Variants in DPYSL2 observed in about 807,000 individuals in gnomAD.
DPYSL2 encodes the protein dihydropyrimidinase-related protein 2.
Under a neutral mutation model 69.9 loss-of-function variants are expected in DPYSL2, and 13 were observed. The observed-to-expected ratio is 0.19, with a 90% CI of 0.12 to 0.30. The LOEUF is 0.30. Among genes scored for constraint, DPYSL2 ranks in the 10% least tolerant of loss-of-function variants. The pLI, the probability that DPYSL2 is intolerant of heterozygous loss-of-function variation, is 1.00. For missense variants in DPYSL2, 587 were observed against 918.9 expected, an observed-to-expected ratio of 0.64 and a Z score of 4.67; for synonymous variants, 326 against 359.1, an observed-to-expected ratio of 0.91 and a Z score of 1.04.
intron 1 of DPYSL2, among the ~76,000 whole-genome samples, chr8:26,537,331 AAGACAAGTTCAGGAGC>A (rs1800608375): frequency 6.6e-6 from 1 of 152,130 alleles, no homozygotes; most frequent in Non-Finnish European, 1.5e-5. Flanking sequence ...CTGCAAAATC[AAGACAAGTTCAGGAGC>A]TGCAGGATGA....
chr8:26,633,729 G>A (rs995523110), intron 7 of DPYSL2, among the ~76,000 whole-genome samples: 3 of 152,088 alleles, frequency 2.0e-5, no homozygotes, highest in African/African-American at 7.2e-5. Flanking sequence ...ACACTCCTCA[G>A]CCTCCCAAAG....
intron 1 of DPYSL2, among the ~76,000 whole-genome samples, chr8:26,530,066 C>T (rs1405601591): frequency 1.6e-5 from 2 of 127,596 alleles, no homozygotes; most frequent in African/African-American, 3.0e-5. Flanking sequence ...GAGCCGAGAT[C>T]GTGCCATTGC....
intron 8 of DPYSL2, among the ~76,000 whole-genome samples, chr8:26,638,531 C>T (rs1434924532): frequency 2.0e-5 from 3 of 152,160 alleles, no homozygotes; most frequent in Non-Finnish European, 4.4e-5. Context: ...ACGACTGCAT[C>T]CTGCCTTCCC....
rs571099436 is a variant in DPYSL2 at position 26,603,203 on chromosome 8, C to T, written c.628+19220C>T. 4.9e-4 allele frequency among the ~76,000 whole-genome samples: 75 copies of T among 152,192 alleles called. 2 individuals carry two copies. In the South Asian group the frequency reaches 0.015, roughly 30 times the overall value. On this transcript the variant is annotated intron_variant, in intron 3 of 13. Transcript: ENST00000521913. ...TATTATTTTTTTTGAGACAGGGTCTCGCTCTATCTCCCAGGCTGGAGTGCA... is the reference window on the plus strand; with the variant it reads ...TATTATTTTTTTTGAGACAGGGTCTTGCTCTATCTCCCAGGCTGGAGTGCA...
At chr8:26,603,967 A>G (rs1197573791) in intron 3 of DPYSL2, among the ~76,000 whole-genome samples, 1 of 152,238 alleles carries the variant, frequency 6.6e-6, no homozygotes, top group African/African-American at 2.4e-5. Context: ...TATCTATTCA[A>G]GTCCCTGCCT....
chr8:26,556,205 ATATATAC>A (rs1800962599), intron 1 of DPYSL2, among the ~76,000 whole-genome samples: 1 of 9,160 alleles, frequency 1.1e-4, no homozygotes, highest in Non-Finnish European at 3.0e-4. Flanking sequence ...TATATACTAT[ATATATAC>A]TATATATAGT....
In DPYSL2 at chr8:26,647,663, G is replaced by T. The variant is rs773416625; in HGVS notation, c.1459G>T (p.Ala487Ser). The T allele has an allele frequency of 9.3e-6, 15 of 1,613,896 alleles. No homozygotes were observed. In the South Asian group the frequency reaches 1.6e-4, roughly 18 times the overall value. Residue 487 changes from alanine (A) to serine (S), a missense_variant, in exon 11 of 14, where the codon GCT becomes TCT. Ala to Ser is a moderately conservative substitution (Grantham distance 99, BLOSUM62 1). This residue lies in a region of DPYSL2 where 452 missense variants were observed against 754.3 expected (regional missense o/e 0.60). Transcript: ENST00000521913. This position sits in a 1 kb window ranked among gnomAD's most constrained non-coding sequence, Gnocchi z 5.1. ...TGKMDENQFV[A>S]VTSTNAAKVF... ...GAAGATGGATGAGAACCAGTTTGTG[G>T]CTGTGACCAGCACCAATGCAGCCAA...
chr8:26,561,607 C>T (rs890645045), intron 1 of DPYSL2, among the ~76,000 whole-genome samples: 4 of 151,920 alleles, frequency 2.6e-5, no homozygotes, highest in Non-Finnish European at 5.9e-5. Context: ...TCCATTAATA[C>T]AGCAGTCCCC....
At position 26,650,505 on chromosome 8, in the gene DPYSL2, G is replaced by A. The variant is rs1305400888; in HGVS notation, c.1597-1752G>A. On this transcript the variant is annotated intron_variant, in intron 11 of 13. Transcript: ENST00000521913. The surrounding 1 kb of genome is among the most constrained non-coding windows in gnomAD (Gnocchi z 5.3). The stretch of plus-strand genomic sequence containing the variant: ...ATCTTCACATACACCTCGGGAGGGT[G>A]CAGATGAAGAAACTGAAGCTGAGAC... Among the ~76,000 whole-genome samples the A allele has an allele frequency of 6.6e-6, 1 of 152,204 alleles. No individual in the cohort carries two copies. Among genetic ancestry groups the A allele is most frequent in the Non-Finnish European group, 1.5e-5 (1 of 68,036 alleles).
At chr8:26,529,879 G>A (rs1043430200) in intron 1 of DPYSL2, among the ~76,000 whole-genome samples, 1 of 151,654 alleles carries the variant, frequency 6.6e-6, no homozygotes, top group African/African-American at 2.4e-5. Context: ...GGGAGGCAGA[G>A]GTGAGGGGAT....
intron 1 of DPYSL2, among the ~76,000 whole-genome samples, chr8:26,554,185 G>T (rs998550651): frequency 6.6e-6 from 1 of 152,010 alleles, no homozygotes; most frequent in Admixed American, 6.6e-5. Flanking sequence ...ACCGTGCCTG[G>T]CCATTTTTTG....
Position 26,610,781 on chromosome 8 carries a change from A to T in DPYSL2, c.629-13362A>T, listed in dbSNP as rs1802206555. 6.6e-6 allele frequency among the ~76,000 whole-genome samples: 1 copy of T among 152,130 alleles called. No homozygotes were observed. The highest frequency in any genetic ancestry group is 1.5e-5 in the Non-Finnish European group (1 of 68,006). ...TATGTTCAGCAGGTTTATCTCCTCA[A>T]GGCACCCCTAAAGTATGTTTTTACT... On this transcript the variant is annotated intron_variant, in intron 3 of 13. Transcript: ENST00000521913. This position sits in a 1 kb window ranked among gnomAD's most constrained non-coding sequence, Gnocchi z 4.5.
At chr8:26,616,355 T>C (rs554196992) in intron 3 of DPYSL2, among the ~76,000 whole-genome samples, 111 of 152,312 alleles carry the variant, frequency 7.3e-4, no homozygotes, top group African/African-American at 2.6e-3. Context: ...GCCTGGTTGA[T>C]GAGGTCACCT....
intron 1 of DPYSL2, among the ~76,000 whole-genome samples, chr8:26,579,395 G>C (rs1585521056): frequency 6.6e-6 from 1 of 152,232 alleles, no homozygotes; most frequent in East Asian, 1.9e-4. Flanking sequence ...AGGGAGGGGG[G>C]AACACCAGGG....
intron 3 of DPYSL2, among the ~76,000 whole-genome samples, chr8:26,622,389 A>G (rs1358120729): frequency 6.6e-6 from 1 of 151,946 alleles, no homozygotes; most frequent in East Asian, 1.9e-4. Flanking sequence ...ACTAATCACT[A>G]ATACTTACAA....
At position 26,627,145 on chromosome 8, in the gene DPYSL2, G is replaced by T. The variant is rs768600415; in HGVS notation, c.856-70G>T. The T allele has an allele frequency of 8.0e-5, 114 of 1,419,528 alleles. No homozygotes were observed. The highest frequency in any genetic ancestry group is 1.0e-4 in the Non-Finnish European group (104 of 1,004,952). 87.9% of individuals were successfully genotyped at this position (1,419,528 alleles called of 1,614,324 possible). On this transcript the variant is annotated intron_variant, in intron 5 of 13. Coordinates refer to ENST00000521913, the MANE Select transcript of DPYSL2 (RefSeq NM_001197293.3). This position sits in a 1 kb window ranked among gnomAD's most constrained non-coding sequence, Gnocchi z 6.9. The stretch of plus-strand genomic sequence containing the variant: ...TCATCCCAGAAATGCCTCTGGTGGG[G>T]AGATGATTGTCTTTGTGAACAGGAA...
In DPYSL2 at chr8:26,598,261, G is replaced by T. The variant is rs879410689; in HGVS notation, c.628+14278G>T. Among the ~76,000 whole-genome samples, 7 of 152,196 alleles carry T rather than the reference G, an allele frequency of 4.6e-5. No individual in the cohort carries two copies. Among genetic ancestry groups the T allele is most frequent in the African/African-American group, 1.2e-4 (5 of 41,438 alleles). On this transcript the variant is annotated intron_variant, in intron 3 of 13. Transcript: ENST00000521913. This position sits in a 1 kb window ranked among gnomAD's most constrained non-coding sequence, Gnocchi z 4.2. Reference sequence around the variant, plus strand: ...GTGACTTTTGCCTTCAGCAGCCATCGCATTACATCATCTACCTTTTCTTGT... The same window carrying T: ...GTGACTTTTGCCTTCAGCAGCCATCTCATTACATCATCTACCTTTTCTTGT...
At chr8:26,572,386 A>C (rs1241582793) in intron 1 of DPYSL2, among the ~76,000 whole-genome samples, 1 of 152,196 alleles carries the variant, frequency 6.6e-6, no homozygotes, top group Non-Finnish European at 1.5e-5. Flanking sequence ...TGGATGATGC[A>C]AACATGTGCA....
chr8:26,580,951 C>T lies in DPYSL2; in HGVS notation c.355-1018C>T, dbSNP rs1281972323. ...TCACATTCTCAGACTTTATCTGCTG[C>T]TTGTCCTTTATTTTTTAGCATAAAT... On this transcript the variant is annotated intron_variant, in intron 1 of 13. Coordinates refer to ENST00000521913, the MANE Select transcript of DPYSL2 (RefSeq NM_001197293.3). The surrounding 1 kb of genome is among the most constrained non-coding windows in gnomAD (Gnocchi z 4.1). Among the ~76,000 whole-genome samples, 1 of 152,184 alleles carries T rather than the reference C, an allele frequency of 6.6e-6. No homozygotes were observed. The highest frequency in any genetic ancestry group is 1.5e-5 in the Non-Finnish European group (1 of 68,034).
Sources: allele counts gnomAD v4.1 joint callset (sites outside exome capture counted in the v4.1 genomes callset), GRCh38; gene constraint gnomAD v4.1.1; regional missense constraint gnomAD v4.1.1; non-coding constraint Gnocchi (gnomAD v3.1); transcripts MANE v1.5; gene names NCBI Gene and HGNC (gene_info 2026-07-23, HGNC 2026-07-21).